ITPR1: variants seen among roughly 807,000 people sequenced by gnomAD.
ITPR1 encodes the protein inositol 1,4,5-trisphosphate receptor type 1, also known as inositol 1,4,5-trisphosphate-gated calcium channel ITPR1.
A neutral mutation model predicts 318.4 loss-of-function variants in ITPR1; 96 were observed. The observed-to-expected ratio is 0.30, with a 90% confidence interval of 0.26 to 0.36. The LOEUF (loss-of-function observed/expected upper bound fraction) is 0.36. Ranked by LOEUF, ITPR1 falls within the 10% of genes least tolerant of loss-of-function variation. The pLI is 1.00. For synonymous variants in ITPR1, 1,312 were observed against 1,289.9 expected, an observed-to-expected ratio of 1.02 and a Z score of -0.37; for missense variants, 2,440 against 3,460.2, an observed-to-expected ratio of 0.71 and a Z score of 7.40.
intron 44 of ITPR1, among the ~76,000 whole-genome samples, chr3:4,761,272 C>G (rs1348638248): frequency 6.6e-6 from 1 of 152,170 alleles, no homozygotes; most frequent in Non-Finnish European, 1.5e-5. Flanking sequence ...CTTGCCCCCG[C>G]CCAGGCACTC....
At chr3:4,575,488 G>A (rs187060148) in intron 4 of ITPR1, among the ~76,000 whole-genome samples, 109 of 152,268 alleles carry the variant, frequency 7.2e-4, no homozygotes, top group African/African-American at 2.4e-3. Context: ...GGAGTTTGTT[G>A]ATGATTGTCT....
chr3:4,534,162 T>A (rs1052823695), intron 4 of ITPR1, among the ~76,000 whole-genome samples: 11 of 152,240 alleles, frequency 7.2e-5, no homozygotes, highest in Admixed American at 3.9e-4. Flanking sequence ...GTTTTGTTAC[T>A]TGGATGTATT....
rs1279397949 is a variant in ITPR1 at position 4,697,292 on chromosome 3, G to A, written c.4407+20G>A. On this transcript the variant is annotated intron_variant, in intron 34 of 61. Coordinates refer to ENST00000649015, the MANE Select transcript of ITPR1 (RefSeq NM_001378452.1). The stretch of plus-strand genomic sequence containing the variant: ...TGCAGGGTAAGGCTTTTGGAACTGA[G>A]GAGGCAGAGTTGGAGAGTGAGAGGT... 1.1e-5 allele frequency: 17 copies of A among 1,544,936 alleles called. No individual in the cohort carries two copies. The highest frequency in any genetic ancestry group is 1.5e-5 in the Non-Finnish European group (17 of 1,143,790).
At chr3:4,538,616 A>G (rs536687721) in intron 4 of ITPR1, among the ~76,000 whole-genome samples, 3 of 152,326 alleles carry the variant, frequency 2.0e-5, no homozygotes, top group Admixed American at 6.5e-5. Flanking sequence ...TTGCAGCACT[A>G]TTCACAATAG....
intron 4 of ITPR1, among the ~76,000 whole-genome samples, chr3:4,566,484 A>T (rs1290280171): frequency 6.6e-6 from 1 of 152,134 alleles, no homozygotes; most frequent in Non-Finnish European, 1.5e-5. Flanking sequence ...GGTAAGGAAT[A>T]GGTGGGTCAG....
chr3:4,651,099 G>T (rs2093587992), intron 10 of ITPR1, among the ~76,000 whole-genome samples: 1 of 152,178 alleles, frequency 6.6e-6, no homozygotes, highest in African/African-American at 2.4e-5. Flanking sequence ...AACGCACAGG[G>T]TGTTCCACAT....
chr3:4,531,929 G>C (rs1200211160), intron 4 of ITPR1, among the ~76,000 whole-genome samples: 1 of 152,196 alleles, frequency 6.6e-6, no homozygotes, highest in African/African-American at 2.4e-5. Flanking sequence ...CATCTCAGAT[G>C]TATTACTTAA....
intron 44 of ITPR1, among the ~76,000 whole-genome samples, chr3:4,757,845 G>A (rs573185167): frequency 6.6e-6 from 1 of 152,312 alleles, no homozygotes; most frequent in East Asian, 1.9e-4. Context: ...CACCACAGGT[G>A]TAGGAAGACA....
intron 4 of ITPR1, among the ~76,000 whole-genome samples, chr3:4,616,287 G>T (rs1283435133): frequency 6.6e-6 from 1 of 152,170 alleles, no homozygotes; most frequent in Admixed American, 6.5e-5. Context: ...GAGCAAATAA[G>T]CCCTGACCTC....
chr3:4,646,561 G>A (rs1192467601), intron 10 of ITPR1, among the ~76,000 whole-genome samples: 1 of 152,240 alleles, frequency 6.6e-6, no homozygotes, highest in Non-Finnish European at 1.5e-5. Context: ...GCTATAGGGA[G>A]TTGGGATTTA....
intron 4 of ITPR1, among the ~76,000 whole-genome samples, chr3:4,572,114 G>T (rs1365264527): frequency 2.0e-5 from 3 of 152,156 alleles, no homozygotes; most frequent in Non-Finnish European, 4.4e-5. Flanking sequence ...TTATTGAGCG[G>T]GTCCAGTCCT....
At chr3:4,790,150 C>T (rs1191768963) in intron 52 of ITPR1, among the ~76,000 whole-genome samples, 1 of 152,104 alleles carries the variant, frequency 6.6e-6, no homozygotes, top group Non-Finnish European at 1.5e-5. Flanking sequence ...GAGATATCTC[C>T]TTATCCCTTT....
At chr3:4,611,249 A>C (rs950449799) in intron 4 of ITPR1, among the ~76,000 whole-genome samples, 1 of 149,138 alleles carries the variant, frequency 6.7e-6, no homozygotes, top group East Asian at 2.0e-4. Context: ...AAAACAAAAA[A>C]AAAACTATAT....
Position 4,670,769 on chromosome 3 carries a change from A to C in ITPR1, c.2047A>C (p.Thr683Pro), listed in dbSNP as rs1233573586. 1 of 1,604,854 alleles carries C rather than the reference A, an allele frequency of 6.2e-7. No homozygotes were observed. Among genetic ancestry groups the C allele is most frequent in the Admixed American group, 1.7e-5 (1 of 58,438 alleles). Residue 683 changes from threonine to proline, a missense_variant, in exon 20 of 62, where the codon ACT becomes CCT. Transcript: ENST00000649015. ...SRFEFEGVSS[T>P]GENALEAGED... ...TTTTGAATTTGAAGGTGTCTCTTCC[A>C]CTGGAGAGAATGCTCTGGAGGCAGG...
intron 17 of ITPR1, among the ~76,000 whole-genome samples, chr3:4,665,538 T>C (rs2093927939): frequency 6.6e-6 from 1 of 152,136 alleles, no homozygotes; most frequent in African/African-American, 2.4e-5. Context: ...GGTTTTGGAG[T>C]TGGTTTTACA....
Position 4,768,772 on chromosome 3 carries a change from C to T in ITPR1, c.5979+8C>T. The T allele has an allele frequency of 6.2e-7, 1 of 1,605,126 alleles. No homozygotes were observed. Among genetic ancestry groups the T allele is most frequent in the Non-Finnish European group, 8.5e-7 (1 of 1,173,232 alleles). ...CACAACCGAGACCTGCAGGTGAGGG[C>T]CTGGGGGTGGGGGCGTGGAGGGAGC... On this transcript the variant is annotated splice_region_variant and intron_variant, in intron 46 of 61. Transcript: ENST00000649015.
At chr3:4,711,210 CAAAAA>C (rs1169754547) in intron 38 of ITPR1, among the ~76,000 whole-genome samples, 10 of 57,910 alleles carry the variant, frequency 1.7e-4, no homozygotes, top group African/African-American at 2.8e-4. Flanking sequence ...GACCTTGTCT[CAAAAA>C]AAAAAAAAAA....
At chr3:4,701,900 C>T (rs777985464) in intron 35 of ITPR1, among the ~76,000 whole-genome samples, 3 of 152,146 alleles carry the variant, frequency 2.0e-5, no homozygotes, top group African/African-American at 4.8e-5. Flanking sequence ...CCTTTCTCCC[C>T]TGACGCTTTC....
chr3:4,566,625 C>CACACAG (rs1472036007), intron 4 of ITPR1, among the ~76,000 whole-genome samples: 1 of 129,380 alleles, frequency 7.7e-6, no homozygotes, highest in Non-Finnish European at 1.9e-5. Flanking sequence ...CACACACACA[C>CACACAG]ACACACACAC....
Sources: allele counts gnomAD v4.1 joint callset (sites outside exome capture counted in the v4.1 genomes callset), GRCh38; gene constraint gnomAD v4.1.1; transcripts MANE v1.5; gene names NCBI Gene and HGNC (gene_info 2026-07-23, HGNC 2026-07-21).